Variants in ADGRL3 observed in about 807,000 individuals in gnomAD.
ADGRL3 encodes the protein calcium-independent alpha-latrotoxin receptor 3.
A neutral mutation model predicts 153.5 loss-of-function variants in ADGRL3; 62 were observed. The observed-to-expected ratio is 0.40, with a 90% confidence interval of 0.33 to 0.50. The LOEUF (loss-of-function observed/expected upper bound fraction) is 0.50. Ranked by LOEUF, ADGRL3 falls within the 20% of genes least tolerant of loss-of-function variation. The pLI, the probability that ADGRL3 is intolerant of heterozygous loss-of-function variation, is 0.47. For missense variants in ADGRL3, 1,641 were observed against 1,859.4 expected, an observed-to-expected ratio of 0.88 and a Z score of 2.16; for synonymous variants, 710 against 672.5, an observed-to-expected ratio of 1.06 and a Z score of -0.86.
At chr4:61,774,686 G>A (rs553898153) in intron 8 of ADGRL3, among the ~76,000 whole-genome samples, 1 of 151,978 alleles carries the variant, frequency 6.6e-6, no homozygotes, top group South Asian at 2.1e-4. Flanking sequence ...GAGAAAGAGA[G>A]ACTGTATTCA....
chr4:61,582,642 G>GAA (rs113336064), intron 4 of ADGRL3, among the ~76,000 whole-genome samples: 3 of 144,802 alleles, frequency 2.1e-5, no homozygotes, highest in African/African-American at 7.5e-5. Flanking sequence ...AGCAATGCAT[G>GAA]AAAAAAAAAA....
chr4:61,785,410 G>A (rs769188948), intron 8 of ADGRL3, among the ~76,000 whole-genome samples: 6 of 152,216 alleles, frequency 3.9e-5, no homozygotes, highest in South Asian at 2.1e-4. Flanking sequence ...GATGCCTTTC[G>A]TGTAAAGTAG....
intron 1 of ADGRL3, among the ~76,000 whole-genome samples, chr4:61,270,302 A>G (rs768885558): frequency 5.9e-5 from 9 of 151,774 alleles, no homozygotes; most frequent in Non-Finnish European, 1.3e-4. Context: ...TTTTCATAAA[A>G]GTAAACCTTA....
chr4:61,936,189 C>T lies in ADGRL3; in HGVS notation c.2419+144C>T, dbSNP rs1015004585. ...CTATTCTCTTTCTCCTCCTCTTCCTCCTCTTTCTACTGTACAGCACCATCA... is the reference window on the plus strand; with the variant it reads ...CTATTCTCTTTCTCCTCCTCTTCCTTCTCTTTCTACTGTACAGCACCATCA... On this transcript the variant is annotated intron_variant, in intron 15 of 26. Coordinates refer to ENST00000683033, the MANE Select transcript of ADGRL3 (RefSeq NM_001387552.1). 5 of 845,436 alleles carry T rather than the reference C, an allele frequency of 5.9e-6. No individual in the cohort carries two copies. The African/African-American group carries it at 8.7e-5, about 15-fold the overall frequency. The allele number at this position is 845,436 out of a possible 1,614,324, so 52.4% of individuals were successfully genotyped here. A position where few individuals can be genotyped will look rare whatever the true frequency, so the allele number is the denominator to read the frequency against.
At chr4:61,872,936 C>T (rs1211555882) in intron 9 of ADGRL3, among the ~76,000 whole-genome samples, 1 of 152,136 alleles carries the variant, frequency 6.6e-6, no homozygotes, top group Non-Finnish European at 1.5e-5. Context: ...AAAGAAATTA[C>T]AATGCTTTCT....
At chr4:61,686,933 T>C (rs1364467819) in intron 6 of ADGRL3, among the ~76,000 whole-genome samples, 1 of 152,082 alleles carries the variant, frequency 6.6e-6, no homozygotes, top group Non-Finnish European at 1.5e-5. Flanking sequence ...CTTAACATAA[T>C]GTCCTCCAGG....
At chr4:61,271,635 C>A (rs1025783657) in intron 1 of ADGRL3, among the ~76,000 whole-genome samples, 2 of 152,010 alleles carry the variant, frequency 1.3e-5, no homozygotes, top group African/African-American at 4.8e-5. Flanking sequence ...TAGTTTATGA[C>A]AGACTATACA....
At chr4:61,937,289 C>T (rs2098843405) in intron 15 of ADGRL3, among the ~76,000 whole-genome samples, 1 of 152,110 alleles carries the variant, frequency 6.6e-6, no homozygotes, top group African/African-American at 2.4e-5. Flanking sequence ...CTTCCTGCCT[C>T]ATTTGCCACA....
chr4:61,768,972 G>A (rs1297491686), intron 8 of ADGRL3, among the ~76,000 whole-genome samples: 1 of 151,852 alleles, frequency 6.6e-6, no homozygotes. Flanking sequence ...AGAGGTTGGG[G>A]TGTGGAAATA....
At chr4:61,893,061 T>TG in intron 10 of ADGRL3, 103 bp downstream of exon 10, 1 of 529,474 alleles carries the variant, frequency 1.9e-6, no homozygotes, top group East Asian at 3.6e-5. Flanking sequence ...CTCCCTCCCT[T>TG]CCTCCCTCCC....
At chr4:61,741,098 T>C (rs2096575673) in intron 8 of ADGRL3, among the ~76,000 whole-genome samples, 1 of 152,226 alleles carries the variant, frequency 6.6e-6, no homozygotes, top group Admixed American at 6.5e-5. Flanking sequence ...CTGAGCCCTT[T>C]ACTATGACAG....
rs182682223 is a variant in ADGRL3, at chr4:61,314,631, T to G, written c.-239-68493T>G. ...CGTTGAAAAGTTTTACTAACACAGT[T>G]GCAGTTGATTCTATTAGTTTACTTC... On this transcript the variant is annotated intron_variant, in intron 1 of 26. Transcript: ENST00000683033. Among the ~76,000 whole-genome samples the G allele has an allele frequency of 1.3e-3, 203 of 152,314 alleles. 1 individual carries two copies. The highest frequency in any genetic ancestry group is 4.5e-3 in the African/African-American group (189 of 41,578).
intron 1 of ADGRL3, among the ~76,000 whole-genome samples, chr4:61,305,014 CTTATAT>C (rs2094721006): frequency 6.6e-6 from 1 of 152,072 alleles, no homozygotes; most frequent in Non-Finnish European, 1.5e-5. Flanking sequence ...AGAGTCCTGG[CTTATAT>C]TTATAACTAA....
intron 1 of ADGRL3, among the ~76,000 whole-genome samples, chr4:61,320,149 G>C (rs1370622620): frequency 6.6e-6 from 1 of 152,092 alleles, no homozygotes; most frequent in East Asian, 1.9e-4. Context: ...GAATTGGCTG[G>C]CACCTTGATC....
At chr4:61,509,471 A>C (rs2152863119) in intron 3 of ADGRL3, among the ~76,000 whole-genome samples, 1 of 152,026 alleles carries the variant, frequency 6.6e-6, no homozygotes, top group East Asian at 1.9e-4. Flanking sequence ...TTTAGCTTCC[A>C]CTTATAAGTC....
At chr4:61,241,252 G>A (rs947369196) in intron 1 of ADGRL3, among the ~76,000 whole-genome samples, 9 of 151,922 alleles carry the variant, frequency 5.9e-5, no homozygotes, top group African/African-American at 2.2e-4. Flanking sequence ...AAAGAGATAG[G>A]ATGATTTGAT....
At chr4:61,643,889 G>A (rs1252697575) in intron 5 of ADGRL3, among the ~76,000 whole-genome samples, 23 of 147,374 alleles carry the variant, frequency 1.6e-4, no homozygotes, top group African/African-American at 5.5e-4. Flanking sequence ...TTTACCTCTG[G>A]TAGAATTCGG....
intron 21 of ADGRL3, among the ~76,000 whole-genome samples, chr4:62,022,442 A>G (rs759848003): frequency 1.3e-5 from 2 of 152,220 alleles, no homozygotes; most frequent in Non-Finnish European, 2.9e-5. Flanking sequence ...AGCTAAGATC[A>G]TTGATGAAGG....
chr4:61,590,719 G>A (rs764124643), intron 5 of ADGRL3, among the ~76,000 whole-genome samples: 21 of 152,042 alleles, frequency 1.4e-4, no homozygotes, highest in Non-Finnish European at 2.6e-4. Context: ...AAAGGAAGAA[G>A]GCTCTTTCAG....
Sources: allele counts gnomAD v4.1 joint callset (sites outside exome capture counted in the v4.1 genomes callset), GRCh38; gene constraint gnomAD v4.1.1; transcripts MANE v1.5; gene names NCBI Gene and HGNC (gene_info 2026-07-23, HGNC 2026-07-21).